Variants in PKHD1L1 observed in about 807,000 individuals in gnomAD.
PKHD1L1 encodes fibrocystin-L.
PKHD1L1 carries 434 observed loss-of-function variants against 462.9 expected under a neutral mutation model. The ratio of observed to expected loss-of-function variants is 0.94; its 90% CI spans 0.87 to 1.02. The LOEUF is 1.02. Ranked by LOEUF, PKHD1L1 falls within the 50% of genes least tolerant of loss-of-function variation. The pLI is 0.00. For missense variants in PKHD1L1, 5,202 were observed against 5,096.1 expected (o/e 1.02, Z -0.63); for synonymous variants, 1,781 against 1,750.0 (o/e 1.02, Z -0.44).
chr8:109,521,843 T>C (rs1487391303), intron 73 of PKHD1L1, among the ~76,000 whole-genome samples: 2 of 152,198 alleles, frequency 1.3e-5, no homozygotes, highest in African/African-American at 4.8e-5. Context: ...CACATGATAA[T>C]AGAAATGCAT....
In PKHD1L1 at chr8:109,504,388, T is replaced by C; in HGVS notation, c.10890T>C (p.Thr3630=). The change falls in exon 68 of 78, where the codon ACT becomes ACC. Residue 3630 remains threonine (T), a synonymous_variant. Coordinates refer to ENST00000378402, the MANE Select transcript of PKHD1L1 (RefSeq NM_177531.6). ...CSGETNVIFI[T]NPLNEDLQHP... is the part of the protein sequence containing the mutation. ...GGGAAACTAATGTTATATTCATTAC[T>C]AACCCTTTAAATGAGGATTTACAGC... is the stretch of plus-strand genomic sequence containing the variant. The C allele has an allele frequency of 6.5e-7, 1 of 1,550,364 alleles. No homozygotes were observed.
chr8:109,486,414 T>C (rs965099123), intron 58 of PKHD1L1, among the ~76,000 whole-genome samples: 2 of 152,038 alleles, frequency 1.3e-5, no homozygotes, highest in Admixed American at 6.6e-5. Context: ...TTGCTGATTA[T>C]AATAATCATT....
chr8:109,382,400 T>G (rs1289051741), intron 3 of PKHD1L1, 63 bp from the exon 4 acceptor site: 15 of 1,342,786 alleles, frequency 1.1e-5, no homozygotes, highest in African/African-American at 4.5e-5. Flanking sequence ...TATTTTTCAT[T>G]AATACTATAC....
intron 72 of PKHD1L1, among the ~76,000 whole-genome samples, chr8:109,516,310 AG>A (rs1820267506): frequency 6.6e-6 from 1 of 152,120 alleles, no homozygotes; most frequent in African/African-American, 2.4e-5. Flanking sequence ...GTCTGAGATC[AG>A]GGTGCCATGA....
At position 109,440,306 on chromosome 8, in the gene PKHD1L1, T is replaced by A. The variant is rs576645494; in HGVS notation, c.3957-404T>A. On this transcript the variant is annotated intron_variant, in intron 32 of 77. Transcript: ENST00000378402. ...TAACTTCAAATTAATTATACAAAAC[T>A]TTGATTACTCAAATGTGTGAGATTT... Among the ~76,000 whole-genome samples, 3 of 152,264 alleles carry A rather than the reference T, an allele frequency of 2.0e-5. No homozygotes were observed. In the South Asian group the frequency reaches 6.2e-4, roughly 32 times the overall value.
chr8:109,516,837 A>G (rs1220346224), intron 72 of PKHD1L1, among the ~76,000 whole-genome samples: 1 of 152,118 alleles, frequency 6.6e-6, no homozygotes, highest in Non-Finnish European at 1.5e-5. Flanking sequence ...CTATCTTCAT[A>G]GGCAGAGAGT....
chr8:109,436,939 C>T (rs1482359700), intron 30 of PKHD1L1, among the ~76,000 whole-genome samples: 1 of 152,180 alleles, frequency 6.6e-6, no homozygotes, highest in Admixed American at 6.5e-5. Flanking sequence ...TTTCCTGAGA[C>T]GGAGTCTCAC....
At chr8:109,367,195 C>A (rs1811275935) in intron 2 of PKHD1L1, among the ~76,000 whole-genome samples, 1 of 152,104 alleles carries the variant, frequency 6.6e-6, no homozygotes, top group Non-Finnish European at 1.5e-5. Context: ...GCAAAACACA[C>A]CAGAGCTTCT....
Position 109,433,184 on chromosome 8 carries a change from G to C in PKHD1L1, c.3308G>C (p.Gly1103Ala). ...AGTTCAGCTGTAACAGTCTCAGTTG[G>C]ACCAGTAGGTTGTTCTCTTCTTTCT... is the stretch of plus-strand genomic sequence containing the variant. ...SPSSAVTVSV[G>A]PVGCSLLSVD... is the part of the protein sequence containing the mutation. Residue 1103 changes from glycine to alanine, a missense_variant, in exon 28 of 78, where the codon GGA becomes GCA. Gly to Ala is a moderately conservative substitution (Grantham distance 60). This residue lies in a region of PKHD1L1 where 4,497 missense variants were observed against 4,336.8 expected (regional missense o/e 1.04). Transcript: ENST00000378402. The C allele has an allele frequency of 1.9e-6, 3 of 1,613,416 alleles. No homozygotes were observed. Among genetic ancestry groups the C allele is most frequent in the South Asian group, 1.1e-5 (1 of 91,038 alleles).
At chr8:109,376,219 C>G (rs1392847716) in intron 2 of PKHD1L1, among the ~76,000 whole-genome samples, 1 of 152,240 alleles carries the variant, frequency 6.6e-6, no homozygotes, top group Non-Finnish European at 1.5e-5. Flanking sequence ...CCTCCCCCAG[C>G]CTCGCTGCCG....
chr8:109,408,842 G>C (rs1288735152), intron 18 of PKHD1L1, among the ~76,000 whole-genome samples: 2 of 152,184 alleles, frequency 1.3e-5, no homozygotes, highest in Non-Finnish European at 2.9e-5. Flanking sequence ...TTAAGGAGGA[G>C]TAATACATTC....
chr8:109,460,276 T>G (rs539882993), intron 47 of PKHD1L1, among the ~76,000 whole-genome samples: 4 of 152,292 alleles, frequency 2.6e-5, no homozygotes, highest in African/African-American at 9.6e-5. Context: ...ACAAAGATTC[T>G]GTTTAGCAAA....
At chr8:109,516,328 T>C (rs1211734221) in intron 72 of PKHD1L1, among the ~76,000 whole-genome samples, 3 of 152,112 alleles carry the variant, frequency 2.0e-5, no homozygotes, top group African/African-American at 2.4e-5. Flanking sequence ...ATGATGGTCA[T>C]GTTCTGCTGA....
chr8:109,438,278 G>C, intron 30 of PKHD1L1, 46 bp from the exon 31 acceptor site: 1 of 1,328,564 alleles, frequency 7.5e-7, no homozygotes, highest in South Asian at 1.5e-5. Flanking sequence ...TTGCATTTCT[G>C]TATCTCAACA....
chr8:109,526,478 C>A (rs1180064565), intron 76 of PKHD1L1, among the ~76,000 whole-genome samples: 1 of 152,178 alleles, frequency 6.6e-6, no homozygotes, highest in Non-Finnish European at 1.5e-5. Flanking sequence ...TATTGTCCCT[C>A]ATTTCCAACA....
intron 2 of PKHD1L1, among the ~76,000 whole-genome samples, chr8:109,376,246 C>T (rs1034699997): frequency 6.6e-6 from 1 of 152,228 alleles, no homozygotes; most frequent in African/African-American, 2.4e-5. Flanking sequence ...AGTTTGATCT[C>T]AGACTGCTGT....
chr8:109,412,308 A>G lies in PKHD1L1; in HGVS notation c.2129A>G (p.Tyr710Cys). Residue 710 changes from tyrosine (Y) to cysteine (C), a missense_variant, in exon 20 of 78, where the codon TAC (tyrosine) becomes TGC (cysteine). By Grantham distance (194) the Tyr-to-Cys change is radical (BLOSUM62 -2). Transcript: ENST00000378402. The stretch of plus-strand genomic sequence containing the variant: ...CAGAAGACAGCTGAAACCGATGCTT[A>G]CTGTGGTCGTTATTCCCTGAAAAAC... The part of the protein sequence containing the change: ...RGQKTAETDA[Y>C]CGRYSLKNPA... The G allele has an allele frequency of 1.9e-6, 3 of 1,613,854 alleles. No individual in the cohort carries two copies. The highest frequency in any genetic ancestry group is 1.7e-6 in the Non-Finnish European group (2 of 1,179,778).
In PKHD1L1 at chr8:109,405,029, C is replaced by T. The variant is rs867724223; in HGVS notation, c.1568C>T (p.Ala523Val). The change falls in exon 16 of 78, where the codon GCA becomes GTA. Residue 523 changes from alanine to valine, a missense_variant. By Grantham distance (64) the Ala-to-Val change is moderately conservative. Around this residue, in one of 3 missense-constraint regions of PKHD1L1, gnomAD observed 4,497 missense variants for 4,336.8 expected, o/e 1.04. Coordinates refer to ENST00000378402, the MANE Select transcript of PKHD1L1 (RefSeq NM_177531.6). ...TTGGAAAACTGGGAAACAACTAATG[C>T]AATTAATGAGGTTCAGAAGATCAAG... ...ITLENWETTN[A>V]INEVQKIKVT... 2.6e-6 allele frequency: 4 copies of T among 1,525,810 alleles called. No individual in the cohort carries two copies. Among genetic ancestry groups the T allele is most frequent in the Middle Eastern group, 1.7e-4 (1 of 5,904 alleles). The allele number at this position is 1,525,810 out of a possible 1,614,324, so 94.5% of individuals were successfully genotyped here.
At chr8:109,502,318 C>T (rs917354869) in intron 67 of PKHD1L1, among the ~76,000 whole-genome samples, 3 of 152,106 alleles carry the variant, frequency 2.0e-5, no homozygotes, top group African/African-American at 7.2e-5. Context: ...GTGTATAATT[C>T]CCTTGGAACA....
Sources: gnomAD v4.1 joint callset for allele counts (sites outside exome capture counted in the v4.1 genomes callset) on GRCh38, gnomAD v4.1.1 for gene constraint, gnomAD v4.1.1 regional missense constraint, MANE v1.5 for transcripts, NCBI Gene and HGNC (gene_info 2026-07-23, HGNC 2026-07-21) for gene names.